HEATR5A: variants seen among roughly 807,000 people sequenced by gnomAD.
HEATR5A encodes HEAT repeat-containing protein 5A.
In HEATR5A, 178 loss-of-function variants were observed where a neutral mutation model predicts 218.8. That is an observed-to-expected ratio of 0.81 (90% CI 0.72 to 0.92). The LOEUF is 0.92. Among genes scored for constraint, HEATR5A ranks in the 40% least tolerant of loss-of-function variants. The pLI, the probability that HEATR5A is intolerant of heterozygous loss-of-function variation, is 0.00. For missense variants in HEATR5A, 2,420 were observed against 2,418.9 expected (o/e 1.00, Z -0.01); for synonymous variants, 864 against 871.6 (o/e 0.99, Z 0.15).
At chr14:31,398,644 A>T (rs886174399) in intron 4 of HEATR5A, 29 bp downstream of exon 4, 1 of 1,231,518 alleles carries the variant, frequency 8.1e-7, no homozygotes, top group Non-Finnish European at 1.1e-6. Flanking sequence ...CTGTCTTTTC[A>T]TTCTTTGGCT....
At chr14:31,294,205 A>T (rs1189447043) in intron 34 of HEATR5A, 101 bp from the exon 35 acceptor site, 1 of 766,070 alleles carries the variant, frequency 1.3e-6, no homozygotes, top group Non-Finnish European at 2.1e-6. Flanking sequence ...ATTTAAATTT[A>T]TTTCTAATTT....
chr14:31,413,609 C>A (rs1037037437), intron 1 of HEATR5A, among the ~76,000 whole-genome samples: 3 of 152,040 alleles, frequency 2.0e-5, no homozygotes, highest in African/African-American at 4.8e-5. Flanking sequence ...GGAACCAACT[C>A]TAAGATGTCA....
intron 1 of HEATR5A, among the ~76,000 whole-genome samples, chr14:31,411,922 C>T (rs567830728): frequency 1.3e-5 from 2 of 152,064 alleles, no homozygotes; most frequent in East Asian, 3.9e-4. Context: ...GTGGTGTAAT[C>T]TTGGCTCATT....
intron 1 of HEATR5A, among the ~76,000 whole-genome samples, chr14:31,403,764 G>C (rs995470560): frequency 6.6e-5 from 10 of 152,080 alleles, no homozygotes; most frequent in African/African-American, 2.4e-4. Flanking sequence ...GAAGACACAG[G>C]GTTTGTAAAA....
At chr14:31,336,209 CATACATACATATATATATATATATAT>C (rs1432189894) in intron 22 of HEATR5A, among the ~76,000 whole-genome samples, 12 of 57,614 alleles carry the variant, frequency 2.1e-4, no homozygotes, top group Admixed American at 4.2e-4. Flanking sequence ...TTTATATATA[CATACATACATATATATATATATATAT>C]ATATATATAT....
At chr14:31,371,092 ACATT>A (rs373966140) in intron 13 of HEATR5A, among the ~76,000 whole-genome samples, 1 of 152,170 alleles carries the variant, frequency 6.6e-6, no homozygotes, top group Admixed American at 6.5e-5. Flanking sequence ...GAACACAGCC[ACATT>A]CATTCATTCA....
intron 21 of HEATR5A, among the ~76,000 whole-genome samples, chr14:31,338,908 G>A (rs1166207385): frequency 1.3e-5 from 2 of 152,140 alleles, no homozygotes; most frequent in East Asian, 1.9e-4. Flanking sequence ...CTTGAGGTCA[G>A]GAGTTCAAAA....
At position 31,295,255 on chromosome 14, in the gene HEATR5A, C is replaced by G. The variant is rs560089589; in HGVS notation, c.5619+654G>C. 5.9e-5 allele frequency among the ~76,000 whole-genome samples: 9 copies of G among 151,732 alleles called. No individual in the cohort carries two copies. In the South Asian group the frequency reaches 1.7e-3, roughly 28 times the overall value. Reference sequence around the variant, plus strand: ...TATTACTGAAGGTATGTGCTGGAGTCTTTTTTTTGAGACAGCGTCTGGCTC... The same window carrying G: ...TATTACTGAAGGTATGTGCTGGAGTGTTTTTTTTGAGACAGCGTCTGGCTC... On this transcript the variant is annotated intron_variant, in intron 34 of 35. Coordinates refer to ENST00000543095, the MANE Select transcript of HEATR5A (RefSeq NM_015473.4).
At chr14:31,329,574 G>A (rs1009892857) in intron 22 of HEATR5A, among the ~76,000 whole-genome samples, 2 of 152,168 alleles carry the variant, frequency 1.3e-5, no homozygotes, top group Non-Finnish European at 2.9e-5. Context: ...ACAGCCTTGG[G>A]CAGCTCCACC....
At chr14:31,323,337 T>A (rs190587587) in intron 24 of HEATR5A, among the ~76,000 whole-genome samples, 7,110 of 152,030 alleles carry the variant, frequency 0.047, 237 homozygotes, top group Non-Finnish European at 0.07. Context: ...ATTAAAAAAA[T>A]TTTTTTAATA....
Position 31,364,288 on chromosome 14 carries a change from T to C in HEATR5A, c.1972A>G (p.Ile658Val), listed in dbSNP as rs367617984. The C allele has an allele frequency of 6.6e-6, 10 of 1,513,766 alleles. No homozygotes were observed. The highest frequency in any genetic ancestry group is 1.7e-4 in the Middle Eastern group (1 of 5,846). 93.8% of individuals were successfully genotyped at this position (1,513,766 alleles called of 1,614,324 possible). A position where few individuals can be genotyped will look rare whatever the true frequency, so the allele number is the denominator to read the frequency against. Reference sequence around the variant, plus strand: ...AAAGGACTTCCATACATTTTTAGTATTGAAGAAAGCCTTAAAATAAAAGAA... The same window carrying C: ...AAAGGACTTCCATACATTTTTAGTACTGAAGAAAGCCTTAAAATAAAAGAA... The part of the protein sequence containing the change: ...AVDLLTQLSS[I>V]LKMYGSPLKT... The change falls in exon 14 of 36, where the codon ATA becomes GTA. Residue 658 changes from isoleucine to valine, a missense_variant. Physicochemically the swap from Ile to Val is conservative, Grantham distance 29 (BLOSUM62 3). Coordinates refer to ENST00000543095, the MANE Select transcript of HEATR5A (RefSeq NM_015473.4).
At chr14:31,300,458 C>A (rs1033499728) in intron 33 of HEATR5A, among the ~76,000 whole-genome samples, 6 of 152,010 alleles carry the variant, frequency 3.9e-5, no homozygotes, top group Non-Finnish European at 7.4e-5. Flanking sequence ...GGCGTTGACT[C>A]TTCTGAGAAG....
rs1464433236 is a variant in HEATR5A, at chr14:31,301,969, A to G, written c.5464+326T>C. Among the ~76,000 whole-genome samples the G allele has an allele frequency of 2.0e-5, 3 of 151,364 alleles. No homozygotes were observed. In the East Asian group the frequency reaches 5.9e-4, roughly 30 times the overall value. On this transcript the variant is annotated intron_variant, in intron 33 of 35. Coordinates refer to ENST00000543095, the MANE Select transcript of HEATR5A (RefSeq NM_015473.4). ...GCTGAGACAGCATTGGGTAGCTGGG[A>G]TTATAGGTATGTGCCACCAGAATCG...
At chr14:31,403,114 T>A in intron 1 of HEATR5A, 65 bp from the exon 2 acceptor site, 5 of 731,626 alleles carry the variant, frequency 6.8e-6, no homozygotes, top group East Asian at 2.7e-5. Flanking sequence ...ATAACGGAAA[T>A]CAGAAAAGTG....
Position 31,305,011 on chromosome 14 carries a change from T to C in HEATR5A, c.5133A>G (p.Pro1711=), listed in dbSNP as rs1899510656. Residue 1711 remains proline, a synonymous_variant, in exon 32 of 36, where the codon CCA becomes CCG. Transcript: ENST00000543095. ...TCTGTGGCTTCGTAGCTTTTACTCC[T>C]GGGCTACCTGTCAATTTAGGGTTTA... is the stretch of plus-strand genomic sequence containing the variant. ...PELNPKLTGS[P]GVKATKPQIL... 3 of 1,613,998 alleles carry C rather than the reference T, an allele frequency of 1.9e-6. No individual in the cohort carries two copies. Among genetic ancestry groups the C allele is most frequent in the Non-Finnish European group, 2.5e-6 (3 of 1,179,882 alleles).
intron 5 of HEATR5A, 42 bp downstream of exon 5, chr14:31,395,157 C>T: frequency 7.4e-7 from 1 of 1,351,374 alleles, no homozygotes; most frequent in South Asian, 1.6e-5. Context: ...ATTTACTTTT[C>T]TTTATATTAA....
At chr14:31,411,205 C>G (rs1031804621) in intron 1 of HEATR5A, among the ~76,000 whole-genome samples, 1 of 151,934 alleles carries the variant, frequency 6.6e-6, no homozygotes, top group Non-Finnish European at 1.5e-5. Flanking sequence ...ACAAAAACAT[C>G]CAGTTTTTGA....
chr14:31,416,798 C>T (rs1219012292), intron 1 of HEATR5A, among the ~76,000 whole-genome samples: 1 of 152,092 alleles, frequency 6.6e-6, no homozygotes, highest in Non-Finnish European at 1.5e-5. Context: ...TCACTAGATT[C>T]CTGTTTAAAA....
chr14:31,318,047 A>T (rs1449050687), intron 26 of HEATR5A, among the ~76,000 whole-genome samples, 177 bp downstream of exon 26: 1 of 152,228 alleles, frequency 6.6e-6, no homozygotes, highest in Admixed American at 6.5e-5. Context: ...AAATTATAAC[A>T]TATCTATATA....
Sources: allele counts gnomAD v4.1 joint callset (sites outside exome capture counted in the v4.1 genomes callset), GRCh38; gene constraint gnomAD v4.1.1; transcripts MANE v1.5; gene names NCBI Gene and HGNC (gene_info 2026-07-23, HGNC 2026-07-21).